Variants in MCHR2 observed in about 807,000 individuals in gnomAD.
MCHR2 encodes melanin-concentrating hormone receptor 2.
In MCHR2, 15 loss-of-function variants were observed where a neutral mutation model predicts 24.8. The observed-to-expected ratio is 0.60, with a 90% confidence interval of 0.40 to 0.93. MCHR2 has a LOEUF of 0.93. Among genes scored for constraint, MCHR2 ranks in the 40% least tolerant of loss-of-function variants. The pLI is 0.00. For missense variants in MCHR2, 386 were observed against 408.7 expected, an observed-to-expected ratio of 0.94 and a Z score of 0.48; for synonymous variants, 151 against 147.6, an observed-to-expected ratio of 1.02 and a Z score of -0.17.
intron 1 of MCHR2, among the ~76,000 whole-genome samples, chr6:99,991,310 T>C (rs1775869695): frequency 6.6e-6 from 1 of 152,154 alleles, no homozygotes; most frequent in African/African-American, 2.4e-5. Flanking sequence ...AGGACAGAGC[T>C]GCTTGGGCTT....
chr6:99,944,234 C>G (rs1311140039), intron 3 of MCHR2, among the ~76,000 whole-genome samples: 1 of 152,082 alleles, frequency 6.6e-6, no homozygotes, highest in Non-Finnish European at 1.5e-5. Context: ...TCTGACATAT[C>G]AAATGTATTT....
At position 99,967,879 on chromosome 6, in the gene MCHR2, T is replaced by C. The variant is rs533625471; in HGVS notation, c.-27-11705A>G. ...ATTTGTGAAATCTCTATTTCAGTGATCTCCAGGCATACTCTATCTTATGTC... is the reference window on the plus strand; with the variant it reads ...ATTTGTGAAATCTCTATTTCAGTGACCTCCAGGCATACTCTATCTTATGTC... On this transcript the variant is annotated intron_variant, in intron 1 of 5. Transcript: ENST00000281806. 4.6e-5 allele frequency among the ~76,000 whole-genome samples: 7 copies of C among 152,276 alleles called. No homozygotes were observed. In the East Asian group the frequency reaches 1.3e-3, roughly 29 times the overall value.
chr6:99,970,355 C>T (rs1397280766), intron 1 of MCHR2, among the ~76,000 whole-genome samples: 2 of 152,132 alleles, frequency 1.3e-5, no homozygotes, highest in African/African-American at 4.8e-5. Context: ...GCATAAATAT[C>T]TTCTTTTGAG....
intron 1 of MCHR2, among the ~76,000 whole-genome samples, chr6:99,987,297 G>A (rs1775787941): frequency 6.6e-6 from 1 of 151,954 alleles, no homozygotes. Context: ...TGTTTTGTCA[G>A]GTTGAATAAT....
At chr6:99,986,849 AAT>A (rs1216228531) in intron 1 of MCHR2, among the ~76,000 whole-genome samples, 2 of 150,344 alleles carry the variant, frequency 1.3e-5, no homozygotes, top group Non-Finnish European at 3.0e-5. Context: ...CTAAGTATAT[AAT>A]ATATATACAT....
At chr6:99,977,196 T>C (rs117635825) in intron 1 of MCHR2, among the ~76,000 whole-genome samples, 2,438 of 152,342 alleles carry the variant, frequency 0.016, 27 homozygotes, top group Middle Eastern at 0.075. Flanking sequence ...ATATCTAACA[T>C]TTTAATTAGC....
At chr6:99,943,320 A>T (rs566926269) in intron 3 of MCHR2, among the ~76,000 whole-genome samples, 177 bp from the exon 4 acceptor site, 4 of 150,098 alleles carry the variant, frequency 2.7e-5, no homozygotes, top group African/African-American at 7.3e-5. Flanking sequence ...TTATTTTTTT[A>T]AATTTTTATT....
chr6:99,984,360 T>G (rs918090359), intron 1 of MCHR2, among the ~76,000 whole-genome samples: 2 of 152,046 alleles, frequency 1.3e-5, no homozygotes, highest in African/African-American at 2.4e-5. Flanking sequence ...GCTGCACCCA[T>G]TAACTAGTCA....
In MCHR2 at chr6:99,993,957, G is replaced by T. The variant is rs1011718518; in HGVS notation, c.-49C>A. The T allele has an allele frequency of 1.3e-5, 2 of 152,134 alleles. No homozygotes were observed. The highest frequency in any genetic ancestry group is 4.8e-5 in the African/African-American group (2 of 41,418). 9.4% of individuals were successfully genotyped at this position (152,134 alleles called of 1,614,324 possible). A position where few individuals can be genotyped will look rare whatever the true frequency, so the allele number is the denominator to read the frequency against. On this transcript the variant is annotated 5_prime_UTR_variant, in exon 1 of 6. Transcript: ENST00000281806. ...TCACCTGGGTGCTCGCGTCCTCCCC[G>T]CGCGGCGGACAGCCCGGGCGCCCTT...
At chr6:99,945,817 ATT>A (rs1402843150) in intron 3 of MCHR2, among the ~76,000 whole-genome samples, 6 of 152,126 alleles carry the variant, frequency 3.9e-5, no homozygotes, top group African/African-American at 1.4e-4. Context: ...GTGAAATGAA[ATT>A]TTAGCATACT....
chr6:99,975,764 T>G (rs1247609695), intron 1 of MCHR2, among the ~76,000 whole-genome samples: 1 of 152,264 alleles, frequency 6.6e-6, no homozygotes, highest in Non-Finnish European at 1.5e-5. Context: ...ACTTCATTTC[T>G]GCCTCTTACC....
intron 1 of MCHR2, among the ~76,000 whole-genome samples, chr6:99,961,646 A>G (rs1231359962): frequency 6.6e-6 from 1 of 152,172 alleles, no homozygotes; most frequent in East Asian, 1.9e-4. Context: ...GATAGGTGAG[A>G]GTTGAACAAC....
At chr6:99,975,887 A>G (rs1391153533) in intron 1 of MCHR2, among the ~76,000 whole-genome samples, 1 of 152,214 alleles carries the variant, frequency 6.6e-6, no homozygotes, top group East Asian at 1.9e-4. Flanking sequence ...AATCACAAAC[A>G]TTCATAGCAT....
chr6:99,920,797 A>T lies in MCHR2; in HGVS notation c.*143T>A. The T allele has an allele frequency of 1.3e-6, 1 of 779,574 alleles. No homozygotes were observed. The highest frequency in any genetic ancestry group is 1.8e-5 in the South Asian group (1 of 56,424). 48.3% of individuals were successfully genotyped at this position (779,574 alleles called of 1,614,324 possible). On this transcript the variant is annotated 3_prime_UTR_variant, in exon 6 of 6. Coordinates refer to ENST00000281806, the MANE Select transcript of MCHR2 (RefSeq NM_001040179.2). ...AGCATATTAAGCTCATTGTATTTGC[A>T]TGGTTACACTTCTCTTCCATGCTGC...
intron 5 of MCHR2, among the ~76,000 whole-genome samples, chr6:99,926,953 G>T (rs990832732): frequency 1.2e-4 from 19 of 152,108 alleles, no homozygotes; most frequent in Non-Finnish European, 2.8e-4. Flanking sequence ...TTTCTTCTAG[G>T]GTTTTTATGG....
chr6:99,978,966 T>C (rs1775613694), intron 1 of MCHR2, among the ~76,000 whole-genome samples: 2 of 152,122 alleles, frequency 1.3e-5, no homozygotes, highest in Admixed American at 1.3e-4. Flanking sequence ...GCAAAGGGAA[T>C]AAGCAGGTCT....
intron 2 of MCHR2, among the ~76,000 whole-genome samples, chr6:99,955,628 T>C (rs1230538811): frequency 2.0e-5 from 3 of 152,124 alleles, no homozygotes; most frequent in African/African-American, 7.2e-5. Flanking sequence ...TCTGAGTTAA[T>C]GGGTCTGGGG....
chr6:99,931,969 C>T (rs1042304327), intron 5 of MCHR2, among the ~76,000 whole-genome samples: 18 of 152,110 alleles, frequency 1.2e-4, no homozygotes, highest in South Asian at 4.1e-4. Context: ...TGTTCCTATT[C>T]GGCCATCTTG....
intron 1 of MCHR2, among the ~76,000 whole-genome samples, chr6:99,957,282 A>G (rs1428253622): frequency 1.3e-5 from 2 of 152,136 alleles, no homozygotes; most frequent in Non-Finnish European, 2.9e-5. Context: ...TTATCTAGTC[A>G]GATTAAGAAA....
Sources: allele counts gnomAD v4.1 joint callset (sites outside exome capture counted in the v4.1 genomes callset), GRCh38; gene constraint gnomAD v4.1.1; transcripts MANE v1.5; gene names NCBI Gene and HGNC (gene_info 2026-07-23, HGNC 2026-07-21).